Variants in FGD2 observed in about 807,000 individuals in gnomAD.
The protein encoded by FGD2 is FYVE, RhoGEF and PH domain-containing protein 2.
A neutral mutation model predicts 75.9 loss-of-function variants in FGD2; 52 were observed. That is an observed-to-expected ratio of 0.69 (90% CI 0.55 to 0.86). FGD2 has a LOEUF of 0.86. FGD2 is among the 40% of genes least tolerant of loss of function. FGD2 has a pLI of 0.00. For synonymous variants in FGD2, 347 were observed against 348.6 expected (o/e 1.00, Z 0.05); for missense variants, 790 against 872.0 (o/e 0.91, Z 1.18).
intron 2 of FGD2, among the ~76,000 whole-genome samples, chr6:37,010,415 C>T (rs1317541970): frequency 1.3e-5 from 2 of 152,214 alleles, no homozygotes; most frequent in Non-Finnish European, 2.9e-5. Context: ...TCCAAGGCCT[C>T]ATCTCCAAAT....
At chr6:37,013,857 C>T in intron 5 of FGD2, 92 bp downstream of exon 5, 2 of 1,585,016 alleles carry the variant, frequency 1.3e-6, no homozygotes, top group Non-Finnish European at 1.7e-6. Flanking sequence ...CTCCCAGGCT[C>T]AGCTGCTTCC....
chr6:37,028,104 G>T lies in FGD2; in HGVS notation c.1909G>T (p.Glu637Ter), dbSNP rs773099431. The T allele has an allele frequency of 1.1e-5, 17 of 1,611,600 alleles. No individual in the cohort carries two copies. The highest frequency in any genetic ancestry group is 2.7e-5 in the African/African-American group (2 of 74,918). ...ELKGRWVKAMERAASGWSPSW... is the reference protein window; with the variant it reads ...ELKGRWVKAM ...GAAGGGCCGCTGGGTGAAGGCCATG[G>T]AGCGGGCGGCCAGTGGCTGGAGCCC... is the stretch of plus-strand genomic sequence containing the variant. The change falls in exon 16 of 16, where the codon GAG becomes TAG. Residue 637 changes from glutamate to a stop codon, truncating the protein, a stop_gained. Transcript: ENST00000274963. LOFTEE classifies it low-confidence loss of function (END_TRUNC).
chr6:37,014,855 G>A (rs1389864873), intron 7 of FGD2, 37 bp from the exon 8 acceptor site: 6 of 1,611,112 alleles, frequency 3.7e-6, no homozygotes, highest in Non-Finnish European at 5.1e-6. Flanking sequence ...GGTGAGCCCT[G>A]CCCAGACTTG....
intron 9 of FGD2, among the ~76,000 whole-genome samples, chr6:37,020,039 G>A (rs1159275205): frequency 6.6e-6 from 1 of 152,026 alleles, no homozygotes; most frequent in Non-Finnish European, 1.5e-5. Flanking sequence ...TTTTAGAAGA[G>A]ATGGGTTTCA....
chr6:37,014,267 C>A, intron 6 of FGD2, 167 bp downstream of exon 6: 1 of 833,154 alleles, frequency 1.2e-6, no homozygotes, highest in Non-Finnish European at 1.8e-6. Context: ...CAGATGAGGA[C>A]ACTAAGGCCC....
intron 1 of FGD2, among the ~76,000 whole-genome samples, chr6:37,006,618 G>A (rs145988470): frequency 5.1e-4 from 78 of 152,194 alleles, no homozygotes; most frequent in East Asian, 1.3e-3. Flanking sequence ...GTGTGTGTGC[G>A]CGTGTGTGTA....
At chr6:37,021,378 G>T in intron 11 of FGD2, 134 bp from the exon 12 acceptor site, 2 of 705,578 alleles carry the variant, frequency 2.8e-6, no homozygotes, top group South Asian at 1.8e-5. Flanking sequence ...GGCAGCCCGC[G>T]TGTGTGTAGA....
In FGD2 at chr6:37,009,100, G is replaced by A. The variant is rs761844096; in HGVS notation, c.300+35G>A. On this transcript the variant is annotated intron_variant, in intron 2 of 15. Coordinates refer to ENST00000274963, the MANE Select transcript of FGD2 (RefSeq NM_173558.4). ...GGCTGAGGTAGAGGTGTGGGGTGCT[G>A]GGGTGGGGAGCTCTCCCTGACCTCC... The A allele has an allele frequency of 2.2e-5, 35 of 1,591,286 alleles. No homozygotes were observed. In the East Asian group the frequency reaches 7.9e-4, roughly 36 times the overall value.
At chr6:37,015,647 G>A (rs2150774867) in intron 8 of FGD2, 121 bp from the exon 9 acceptor site, 1 of 844,664 alleles carries the variant, frequency 1.2e-6, no homozygotes, top group South Asian at 1.5e-5. Context: ...TGGCCAGAGT[G>A]TGTTCAAAGG....
Position 37,011,753 on chromosome 6 carries a change from C to T in FGD2, c.426C>T (p.Phe142=). The T allele has an allele frequency of 6.2e-7, 1 of 1,614,168 alleles. No homozygotes were observed. Among genetic ancestry groups the T allele is most frequent in the South Asian group, 1.1e-5 (1 of 91,080 alleles). The change falls in exon 4 of 16, where the codon TTC becomes TTT. Residue 142 remains phenylalanine, a synonymous_variant. Coordinates refer to ENST00000274963, the MANE Select transcript of FGD2 (RefSeq NM_173558.4). ...AGACAGCCCGCAGCAGCAAGGCCTT[C>T]CCAGAGGATGTGGTCAGGGTCATCT... The part of the protein sequence containing the change: ...LLKTARSSKA[F]PEDVVRVIFS...
At chr6:37,015,160 T>C in intron 8 of FGD2, 122 bp downstream of exon 8, 4 of 1,310,852 alleles carry the variant, frequency 3.1e-6, no homozygotes, top group Non-Finnish European at 4.1e-6. Flanking sequence ...AGAACGCTTC[T>C]CTGTCTTTTT....
rs1561925196 is a variant in FGD2 at position 37,008,933 on chromosome 6, T to C, written c.168T>C (p.Asn56=). Residue 56 remains asparagine, a synonymous_variant, in exon 2 of 16, where the codon AAT becomes AAC. Coordinates refer to ENST00000274963, the MANE Select transcript of FGD2 (RefSeq NM_173558.4). The part of the protein sequence containing the change: ...PESPGPREKT[N]VGEAVGSEPR... ...CCCCAGGACCACGGGAGAAGACGAA[T>C]GTCGGGGAGGCCGTGGGGTCTGAGC... The C allele has an allele frequency of 3.1e-6, 5 of 1,614,080 alleles. No homozygotes were observed. The highest frequency in any genetic ancestry group is 1.7e-5 in the Admixed American group (1 of 60,008).
rs576705675 is a variant in FGD2 at position 37,005,689 on chromosome 6, A to G, written c.-129A>G. Reference sequence around the variant, plus strand: ...CCAAGAGCCGACCTTCTGAGCCCTCAAGAAAGATCAGAACAGATTCATGGG... The same window carrying G: ...CCAAGAGCCGACCTTCTGAGCCCTCGAGAAAGATCAGAACAGATTCATGGG... On this transcript the variant is annotated 5_prime_UTR_variant, in exon 1 of 16. Transcript: ENST00000274963. 1 of 1,006,162 alleles carries G rather than the reference A, an allele frequency of 9.9e-7. No homozygotes were observed. Among genetic ancestry groups the G allele is most frequent in the African/African-American group, 1.6e-5 (1 of 62,922 alleles). The allele number at this position is 1,006,162 out of a possible 1,614,324, so 62.3% of individuals were successfully genotyped here. A position where few individuals can be genotyped will look rare whatever the true frequency, so the allele number is the denominator to read the frequency against.
chr6:37,011,885 A>G, intron 4 of FGD2, 31 bp downstream of exon 4: 1 of 1,609,332 alleles, frequency 6.2e-7, no homozygotes, highest in South Asian at 1.1e-5. Flanking sequence ...CTGAGGCCTC[A>G]GACCACAGCC....
chr6:37,027,338 A>G lies in FGD2; in HGVS notation c.1606-91A>G, dbSNP rs1326888559. 4 of 1,437,702 alleles carry G rather than the reference A, an allele frequency of 2.8e-6. No individual in the cohort carries two copies. The African/African-American group carries it at 4.2e-5, about 15-fold the overall frequency. The allele number at this position is 1,437,702 out of a possible 1,614,324, so 89.1% of individuals were successfully genotyped here. On this transcript the variant is annotated intron_variant, in intron 14 of 15. Transcript: ENST00000274963. The stretch of plus-strand genomic sequence containing the variant: ...GACCCCTCCATTCAGTACTGCTGTA[A>G]GGATTGGAGATAGTGATTGTCAAGC...
chr6:37,025,689 C>G lies in FGD2; in HGVS notation c.1459-103C>G, dbSNP rs1445772911. On this transcript the variant is annotated intron_variant, in intron 13 of 15. Coordinates refer to ENST00000274963, the MANE Select transcript of FGD2 (RefSeq NM_173558.4). ...TCCCTCGAAGCTTTCTTTTCCTCCCCCAGTCCCTGGTTGCTCTCATGCCCC... is the reference window on the plus strand; with the variant it reads ...TCCCTCGAAGCTTTCTTTTCCTCCCGCAGTCCCTGGTTGCTCTCATGCCCC... The G allele has an allele frequency of 5.6e-6, 7 of 1,239,320 alleles. No individual in the cohort carries two copies. The East Asian group carries it at 1.4e-4, about 25-fold the overall frequency. The allele number at this position is 1,239,320 out of a possible 1,614,324, so 76.8% of individuals were successfully genotyped here. A position where few individuals can be genotyped will look rare whatever the true frequency, so the allele number is the denominator to read the frequency against.
intron 14 of FGD2, 58 bp downstream of exon 14, chr6:37,025,996 G>A (rs1466805060): frequency 2.3e-5 from 37 of 1,594,372 alleles, no homozygotes; most frequent in Non-Finnish European, 2.8e-5. Context: ...ATGTGTGCCC[G>A]GCAACCATGC....
At chr6:37,026,331 A>G in intron 14 of FGD2, 1 of 985,390 alleles carries the variant, frequency 1.0e-6, no homozygotes, top group Non-Finnish European at 1.2e-6. Flanking sequence ...TCCAGGTCAG[A>G]CAGATTGGAG....
Position 37,011,463 on chromosome 6 carries a change from T to G in FGD2, c.379-243T>G, listed in dbSNP as rs146227314. 8.0e-5 allele frequency: 47 copies of G among 586,136 alleles called. No homozygotes were observed. In the East Asian group the frequency reaches 1.4e-3, roughly 17 times the overall value. 36.3% of individuals were successfully genotyped at this position (586,136 alleles called of 1,614,324 possible). A position where few individuals can be genotyped will look rare whatever the true frequency, so the allele number is the denominator to read the frequency against. On this transcript the variant is annotated intron_variant, in intron 3 of 15. Transcript: ENST00000274963. ...AAGACCTCCACAGTTTGGGCCTGTT[T>G]ATGGCATTCATCAGCTGCCAGCCTT...
Sources: gnomAD v4.1 joint callset for allele counts (sites outside exome capture counted in the v4.1 genomes callset) on GRCh38, gnomAD v4.1.1 for gene constraint, MANE v1.5 for transcripts, NCBI Gene and HGNC (gene_info 2026-07-23, HGNC 2026-07-21) for gene names.